Variants in TMEM163 observed in about 807,000 individuals in gnomAD.
TMEM163 encodes the protein transmembrane protein 163.
TMEM163 carries 17 observed loss-of-function variants against 29.3 expected under a neutral mutation model. The ratio of observed to expected loss-of-function variants is 0.58; its 90% CI spans 0.40 to 0.87. The LOEUF (loss-of-function observed/expected upper bound fraction) is 0.87. Among genes scored for constraint, TMEM163 ranks in the 40% least tolerant of loss-of-function variants. The probability of loss-of-function intolerance (pLI) is 0.00; values close to 1 mark genes in which losing one functional copy is unlikely to be tolerated. For missense variants in TMEM163, 303 were observed against 381.5 expected (o/e 0.79, Z 1.71); for synonymous variants, 157 against 160.6 (o/e 0.98, Z 0.17).
Position 134,503,051 on chromosome 2 carries a change from G to A in TMEM163, c.459-54C>T. 4 of 1,493,576 alleles carry A rather than the reference G, an allele frequency of 2.7e-6. 1 individual carries two copies. Among genetic ancestry groups the A allele is most frequent in the Non-Finnish European group, 3.7e-6 (4 of 1,086,634 alleles). 92.5% of individuals were successfully genotyped at this position (1,493,576 alleles called of 1,614,324 possible). On this transcript the variant is annotated intron_variant, in intron 4 of 7. Transcript: ENST00000281924. ...AACTGGGAGAACTCACACTGCTGAAGAGTCCACACAATTGACAGTGACAAA... is the reference window on the plus strand; with the variant it reads ...AACTGGGAGAACTCACACTGCTGAAAAGTCCACACAATTGACAGTGACAAA...
At chr2:134,582,894 T>C (rs1681728366) in intron 2 of TMEM163, among the ~76,000 whole-genome samples, 1 of 152,134 alleles carries the variant, frequency 6.6e-6, no homozygotes, top group African/African-American at 2.4e-5. Context: ...AATTCCCTTC[T>C]ACCTGCAAAA....
intron 5 of TMEM163, among the ~76,000 whole-genome samples, chr2:134,497,618 G>A (rs989857096): frequency 3.3e-5 from 5 of 152,200 alleles, no homozygotes; most frequent in African/African-American, 1.2e-4. Context: ...GCGTGCGACT[G>A]TTTATAAAGC....
intron 2 of TMEM163, among the ~76,000 whole-genome samples, chr2:134,646,724 C>T (rs541144360): frequency 5.1e-4 from 77 of 152,302 alleles, no homozygotes; most frequent in African/African-American, 1.8e-3. Flanking sequence ...GGATTATAGG[C>T]ATGAGCCACC....
intron 2 of TMEM163, among the ~76,000 whole-genome samples, chr2:134,628,751 G>A (rs560464077): frequency 2.0e-5 from 3 of 152,296 alleles, no homozygotes; most frequent in Admixed American, 1.3e-4. Flanking sequence ...GCCATGTGCC[G>A]TCTCCCTTTG....
chr2:134,551,359 C>T (rs1436869161), intron 3 of TMEM163, among the ~76,000 whole-genome samples: 2 of 151,882 alleles, frequency 1.3e-5, no homozygotes, highest in African/African-American at 4.8e-5. Context: ...CTGCAATGTC[C>T]CTACAATATC....
At chr2:134,499,227 G>T (rs1183347738) in intron 5 of TMEM163, among the ~76,000 whole-genome samples, 2 of 152,228 alleles carry the variant, frequency 1.3e-5, no homozygotes, top group Non-Finnish European at 2.9e-5. Context: ...CAGAGGGTCA[G>T]TAGTGTCATG....
intron 2 of TMEM163, among the ~76,000 whole-genome samples, chr2:134,596,898 A>G (rs571450387): frequency 6.6e-6 from 1 of 152,288 alleles, no homozygotes; most frequent in East Asian, 1.9e-4. Flanking sequence ...TTTGTCTCTC[A>G]TGATTTGGCT....
intron 2 of TMEM163, among the ~76,000 whole-genome samples, chr2:134,584,294 G>C (rs2104796739): frequency 6.6e-6 from 1 of 152,318 alleles, no homozygotes; most frequent in South Asian, 2.1e-4. Context: ...ACGCTGCCAA[G>C]AGACGGCTGC....
intron 2 of TMEM163, among the ~76,000 whole-genome samples, chr2:134,631,121 T>C (rs918395095): frequency 6.6e-6 from 1 of 152,174 alleles, no homozygotes; most frequent in African/African-American, 2.4e-5. Flanking sequence ...CTTCTAATGC[T>C]TCTAATAAAA....
At chr2:134,601,209 A>G (rs571158071) in intron 2 of TMEM163, among the ~76,000 whole-genome samples, 60 of 152,326 alleles carry the variant, frequency 3.9e-4, no homozygotes, top group African/African-American at 1.3e-3. Context: ...TTCTGATTTT[A>G]AAAGAAATTA....
intron 2 of TMEM163, among the ~76,000 whole-genome samples, chr2:134,622,400 T>C (rs116780288): frequency 0.015 from 2,220 of 152,304 alleles, 51 homozygotes; most frequent in African/African-American, 0.051. Flanking sequence ...GAATGCTAAT[T>C]TGCTGTAATG....
chr2:134,502,349 G>A (rs1180160925), intron 5 of TMEM163, among the ~76,000 whole-genome samples: 3 of 152,144 alleles, frequency 2.0e-5, no homozygotes, highest in Admixed American at 1.3e-4. Context: ...ACTCATAAGG[G>A]GAGGGAGGGA....
chr2:134,575,315 C>A (rs962998977), intron 2 of TMEM163, among the ~76,000 whole-genome samples: 3 of 152,266 alleles, frequency 2.0e-5, no homozygotes, highest in Non-Finnish European at 4.4e-5. Flanking sequence ...CCATCTGAAC[C>A]ATGGTCAGGC....
At chr2:134,592,124 A>G (rs1229923025) in intron 2 of TMEM163, among the ~76,000 whole-genome samples, 1 of 152,180 alleles carries the variant, frequency 6.6e-6, no homozygotes, top group East Asian at 1.9e-4. Flanking sequence ...TTAAAAAGTT[A>G]AGTTTGTCTG....
intron 2 of TMEM163, among the ~76,000 whole-genome samples, chr2:134,626,968 C>A (rs924959518): frequency 1.3e-5 from 2 of 152,212 alleles, no homozygotes; most frequent in African/African-American, 4.8e-5. Flanking sequence ...AAAGACTTTA[C>A]TTACATGCTC....
chr2:134,619,919 A>G (rs1682692437), intron 2 of TMEM163, among the ~76,000 whole-genome samples: 1 of 152,248 alleles, frequency 6.6e-6, no homozygotes, highest in Non-Finnish European at 1.5e-5. Flanking sequence ...AATGAAATTA[A>G]CAATCCCATG....
Position 134,466,207 on chromosome 2 carries a change from C to CA in TMEM163, c.573dup (p.Val192CysfsTer26). 1 of 1,613,782 alleles carries CA rather than the reference C, an allele frequency of 6.2e-7. No homozygotes were observed. The highest frequency in any genetic ancestry group is 8.5e-7 in the Non-Finnish European group (1 of 1,179,918). The stretch of plus-strand genomic sequence containing the variant: ...CAAAGAATCCCACTTAAAATGGAGA[C>CA]ACTGAACAGGAAATCGTCCTGCAAG... On this transcript the variant is annotated frameshift_variant, in exon 6 of 8. Coordinates refer to ENST00000281924, the MANE Select transcript of TMEM163 (RefSeq NM_030923.5). LOFTEE classifies it high-confidence loss of function.
chr2:134,562,889 G>A (rs906677594), intron 2 of TMEM163, among the ~76,000 whole-genome samples: 2 of 152,216 alleles, frequency 1.3e-5, no homozygotes, highest in Admixed American at 1.3e-4. Context: ...AGTTATAAAG[G>A]GAATCTACAA....
At chr2:134,616,494 T>C (rs1416870672) in intron 2 of TMEM163, among the ~76,000 whole-genome samples, 2 of 152,224 alleles carry the variant, frequency 1.3e-5, no homozygotes, top group Non-Finnish European at 2.9e-5. Flanking sequence ...GAAGACTGCA[T>C]TGATATGGTT....
Sources: gnomAD v4.1 joint callset for allele counts (sites outside exome capture counted in the v4.1 genomes callset) on GRCh38, gnomAD v4.1.1 for gene constraint, MANE v1.5 for transcripts, NCBI Gene and HGNC (gene_info 2026-07-23, HGNC 2026-07-21) for gene names.